ASIC2: variants seen among roughly 807,000 people sequenced by gnomAD.
ASIC2 encodes the protein acid-sensing ion channel 2.
ASIC2 carries 25 observed loss-of-function variants against 57.3 expected under a neutral mutation model. The ratio of observed to expected loss-of-function variants is 0.44; its 90% confidence interval spans 0.32 to 0.61. ASIC2 has a LOEUF of 0.61. ASIC2 is among the 20% of genes least tolerant of loss of function. ASIC2 has a pLI of 0.06. For synonymous variants in ASIC2, 319 were observed against 307.5 expected (o/e 1.04, Z -0.39); for missense variants, 641 against 738.1 (o/e 0.87, Z 1.52).
At chr17:34,078,765 G>A (rs531619262) in intron 1 of ASIC2, 1 of 152,424 alleles carries the variant, frequency 6.6e-6, no homozygotes, top group African/African-American at 2.4e-5. Flanking sequence ...TCTTCTTTCT[G>A]TGGCCAAAGG....
chr17:33,200,534 C>T (rs1295494324), intron 1 of ASIC2, among the ~76,000 whole-genome samples: 1 of 152,188 alleles, frequency 6.6e-6, no homozygotes, highest in African/African-American at 2.4e-5. Context: ...CAGATGGAAG[C>T]TTCATCTTTC....
chr17:34,118,577 C>T (rs1384803772), intron 1 of ASIC2: 2 of 152,226 alleles, frequency 1.3e-5, no homozygotes, highest in Admixed American at 1.3e-4. Context: ...CATCTGGTCC[C>T]TTTCCTGGAT....
chr17:33,441,646 T>G (rs1308498107), intron 1 of ASIC2, among the ~76,000 whole-genome samples: 1 of 152,214 alleles, frequency 6.6e-6, no homozygotes, highest in Non-Finnish European at 1.5e-5. Context: ...CATAAGGACC[T>G]CATTTCAGTG....
intron 1 of ASIC2, among the ~76,000 whole-genome samples, chr17:34,021,825 GTGTTTTGTTT>G (rs1021157636): frequency 2.9e-4 from 42 of 143,178 alleles, no homozygotes; most frequent in African/African-American, 1.1e-3. Context: ...TGTTGGTTTT[GTGTTTTGTTT>G]TGTTTTTTTT....
intron 1 of ASIC2, among the ~76,000 whole-genome samples, chr17:33,523,275 G>T (rs1040132567): frequency 6.6e-6 from 1 of 152,118 alleles, no homozygotes; most frequent in Non-Finnish European, 1.5e-5. Context: ...TTTACTTTTT[G>T]AGATGGAGTC....
intron 1 of ASIC2, among the ~76,000 whole-genome samples, chr17:34,135,533 G>A (rs935072708): frequency 5.3e-5 from 8 of 152,274 alleles, no homozygotes; most frequent in African/African-American, 7.2e-5. Context: ...TCTCTGTGGC[G>A]AGACCCAGAC....
chr17:34,119,438 T>C (rs763136854), intron 1 of ASIC2, among the ~76,000 whole-genome samples: 20 of 152,228 alleles, frequency 1.3e-4, no homozygotes, highest in Non-Finnish European at 2.6e-4. Context: ...TTTTTACCTG[T>C]TAAATGCATT....
intron 3 of ASIC2, among the ~76,000 whole-genome samples, chr17:33,054,403 C>A (rs1218735163): frequency 1.3e-5 from 2 of 152,280 alleles, no homozygotes; most frequent in African/African-American, 2.4e-5. Flanking sequence ...AAATTGGGAG[C>A]TTGCTTAGCA....
intron 1 of ASIC2, among the ~76,000 whole-genome samples, chr17:33,857,317 A>G (rs1280186014): frequency 6.6e-6 from 1 of 152,188 alleles, no homozygotes; most frequent in Non-Finnish European, 1.5e-5. Context: ...ATGTCACAGA[A>G]TATAATTTAC....
intron 1 of ASIC2, among the ~76,000 whole-genome samples, chr17:33,242,120 C>T (rs1231487369): frequency 5.3e-5 from 8 of 152,066 alleles, no homozygotes; most frequent in African/African-American, 1.9e-4. Flanking sequence ...AGATCGAGAC[C>T]ATCCTGGCTA....
chr17:34,000,574 C>A (rs1322726691), intron 1 of ASIC2, among the ~76,000 whole-genome samples: 1 of 152,126 alleles, frequency 6.6e-6, no homozygotes, highest in African/African-American at 2.4e-5. Context: ...TATATTTAAT[C>A]TATCTGGAGT....
intron 1 of ASIC2, among the ~76,000 whole-genome samples, chr17:34,009,944 T>C (rs1906655525): frequency 6.6e-6 from 1 of 152,236 alleles, no homozygotes; most frequent in Admixed American, 6.5e-5. Context: ...TTGCTCCCTA[T>C]AAATCACCTT....
At chr17:33,359,386 A>G (rs746695143) in intron 1 of ASIC2, among the ~76,000 whole-genome samples, 16 of 152,232 alleles carry the variant, frequency 1.1e-4, no homozygotes, top group Non-Finnish European at 1.9e-4. Context: ...GAATTCCTGA[A>G]GAAGGATTCG....
At chr17:33,523,050 C>T (rs558721978) in intron 1 of ASIC2, among the ~76,000 whole-genome samples, 2 of 152,332 alleles carry the variant, frequency 1.3e-5, no homozygotes, top group South Asian at 4.1e-4. Context: ...ATCTTCTGAG[C>T]TGGGCCTCAA....
intron 1 of ASIC2, among the ~76,000 whole-genome samples, chr17:33,393,353 G>A (rs978027181): frequency 1.6e-4 from 24 of 151,992 alleles, no homozygotes; most frequent in Middle Eastern, 3.4e-3. Context: ...CCATGTCATC[G>A]CTCATGCTTT....
chr17:33,133,944 C>T (rs1189911071), intron 1 of ASIC2, among the ~76,000 whole-genome samples: 1 of 152,196 alleles, frequency 6.6e-6, no homozygotes, highest in South Asian at 2.1e-4. Flanking sequence ...GGGAATTATG[C>T]CTCAGCTCAC....
chr17:33,316,287 G>T (rs1204965129), intron 1 of ASIC2, among the ~76,000 whole-genome samples: 2 of 152,142 alleles, frequency 1.3e-5, no homozygotes, highest in African/African-American at 2.4e-5. Context: ...TCTCTCCGTT[G>T]TCTACAAAAT....
rs1010895078 is a variant in ASIC2, at chr17:33,465,421, G to A, written c.556-353354C>T. Among the ~76,000 whole-genome samples, 19 of 145,304 alleles carry A rather than the reference G, an allele frequency of 1.3e-4. 1 individual carries two copies. Among genetic ancestry groups the A allele is most frequent in the Non-Finnish European group, 2.5e-4 (17 of 67,024 alleles). Reference sequence around the variant, plus strand: ...GGAGTCTCACTCTGTCTCCCAGGCTGGAGTACAGTGGCATGATCTTGGCTC... The same window carrying A: ...GGAGTCTCACTCTGTCTCCCAGGCTAGAGTACAGTGGCATGATCTTGGCTC... On this transcript the variant is annotated intron_variant, in intron 1 of 9. Coordinates refer to the ASIC2 transcript ENST00000359872.
At chr17:33,302,619 T>C (rs1906005448) in intron 1 of ASIC2, among the ~76,000 whole-genome samples, 1 of 152,220 alleles carries the variant, frequency 6.6e-6, no homozygotes, top group African/African-American at 2.4e-5. Flanking sequence ...GTTTACTCTC[T>C]TTCCCTTGTA....
Sources: gnomAD v4.1 joint callset for allele counts (sites outside exome capture counted in the v4.1 genomes callset) on GRCh38, gnomAD v4.1.1 for gene constraint, MANE v1.5 for transcripts, NCBI Gene and HGNC (gene_info 2026-07-23, HGNC 2026-07-21) for gene names.